The following PCED1B variants were observed in gnomAD, a reference collection of about 807,000 sequenced individuals.
The protein encoded by PCED1B is PC-esterase domain-containing protein 1B.
For synonymous variants in PCED1B, 251 were observed against 246.1 expected, an observed-to-expected ratio of 1.02 and a Z score of -0.19; for missense variants, 573 against 573.9, an observed-to-expected ratio of 1.00 and a Z score of 0.02.
At chr12:47,139,221 C>G (rs55825478) in intron 2 of PCED1B, among the ~76,000 whole-genome samples, 3,736 of 152,170 alleles carry the variant, frequency 0.025, 146 homozygotes, top group African/African-American at 0.083. Context: ...CTGTTGTGTG[C>G]AAAATGAGGA....
chr12:47,135,163 G>A lies in PCED1B; in HGVS notation c.-526+30968G>A, dbSNP rs117322919. 7.8e-3 allele frequency among the ~76,000 whole-genome samples: 1,181 copies of A among 152,296 alleles called. 13 individuals carry two copies. The highest frequency in any genetic ancestry group is 0.011 in the Non-Finnish European group (753 of 68,018). On this transcript the variant is annotated intron_variant, in intron 2 of 3. Transcript: ENST00000546455. ...AATGAGTTTGGTGTCCATGTCCATA[G>A]ATCTAGGTGAACTTCCATCACTATA...
At chr12:47,101,867 A>G (rs1938721895) in intron 1 of PCED1B, among the ~76,000 whole-genome samples, 1 of 151,892 alleles carries the variant, frequency 6.6e-6, no homozygotes, top group East Asian at 1.9e-4. Flanking sequence ...TGTCATTTGA[A>G]CCCAGGAGGC....
intron 1 of PCED1B, among the ~76,000 whole-genome samples, chr12:47,099,665 CTG>C (rs1479794915): frequency 6.6e-6 from 1 of 152,184 alleles, no homozygotes; most frequent in African/African-American, 2.4e-5. Flanking sequence ...CCTTGTACTT[CTG>C]TGAGATCTCC....
chr12:47,202,610 A>AG (rs1942798186), intron 2 of PCED1B, among the ~76,000 whole-genome samples: 2 of 151,132 alleles, frequency 1.3e-5, no homozygotes, highest in East Asian at 3.9e-4. Flanking sequence ...AAAAAAAAAA[A>AG]AAAAAAAAAG....
chr12:47,147,816 G>T (rs900920538), intron 2 of PCED1B, among the ~76,000 whole-genome samples: 12 of 152,102 alleles, frequency 7.9e-5, no homozygotes, highest in African/African-American at 2.9e-4. Flanking sequence ...CTTTATTCAT[G>T]CCAAACTAGG....
intron 2 of PCED1B, among the ~76,000 whole-genome samples, chr12:47,149,444 G>T (rs1306479043): frequency 1.3e-5 from 2 of 151,780 alleles, no homozygotes; most frequent in African/African-American, 4.9e-5. Flanking sequence ...GCCTCTCCCT[G>T]TTAAGTGATT....
intron 2 of PCED1B, among the ~76,000 whole-genome samples, chr12:47,108,060 C>A (rs1475022148): frequency 6.6e-6 from 1 of 152,098 alleles, no homozygotes; most frequent in Non-Finnish European, 1.5e-5. Context: ...CCAGTGAGAG[C>A]CCTCAGTAAA....
Position 47,217,498 on chromosome 12 carries a change from A to G in PCED1B, c.-58+809A>G, listed in dbSNP as rs1219652497. Among the ~76,000 whole-genome samples, 24 of 131,136 alleles carry G rather than the reference A, an allele frequency of 1.8e-4. 1 individual carries two copies. The highest frequency in any genetic ancestry group is 8.3e-4 in the African/African-American group (23 of 27,814). 86.0% of individuals were successfully genotyped at this position (131,136 alleles called of 152,430 possible). Reference sequence around the variant, plus strand: ...AAAGAAAGAAAGAAAGAAAGAAAGAAAGAAAGAAAGAAAGAAAGAAGAAAG... The same window carrying G: ...AAAGAAAGAAAGAAAGAAAGAAAGAGAGAAAGAAAGAAAGAAAGAAGAAAG... On this transcript the variant is annotated intron_variant, in intron 3 of 3. Transcript: ENST00000546455.
chr12:47,184,665 T>TAAAA (rs1191011925), intron 2 of PCED1B, among the ~76,000 whole-genome samples: 1 of 131,644 alleles, frequency 7.6e-6, no homozygotes. Flanking sequence ...CCAAAGACAC[T>TAAAA]AAAAAAAAAA....
At chr12:47,221,486 A>G (rs1165777023) in intron 3 of PCED1B, among the ~76,000 whole-genome samples, 1 of 152,096 alleles carries the variant, frequency 6.6e-6, no homozygotes, top group Admixed American at 6.6e-5. Context: ...GCCAACATGA[A>G]AATTTTTAAA....
chr12:47,234,284 C>T (rs935377470), intron 3 of PCED1B, among the ~76,000 whole-genome samples: 6 of 152,128 alleles, frequency 3.9e-5, no homozygotes, highest in African/African-American at 1.4e-4. Flanking sequence ...CCACCGCACC[C>T]GGCCTGTTTT....
At chr12:47,080,439 C>G (rs1294229994) in intron 1 of PCED1B, among the ~76,000 whole-genome samples, 1 of 152,160 alleles carries the variant, frequency 6.6e-6, no homozygotes, top group African/African-American at 2.4e-5. Context: ...AGTTGACTGT[C>G]TGGGTTTACA....
At chr12:47,128,546 G>A (rs1477085559) in intron 2 of PCED1B, among the ~76,000 whole-genome samples, 2 of 152,168 alleles carry the variant, frequency 1.3e-5, no homozygotes, top group African/African-American at 4.8e-5. Context: ...ATTTACTGAA[G>A]TAAAATGGTA....
At chr12:47,083,945 A>C (rs1465948140) in intron 1 of PCED1B, among the ~76,000 whole-genome samples, 1 of 152,196 alleles carries the variant, frequency 6.6e-6, no homozygotes, top group Non-Finnish European at 1.5e-5. Context: ...GATAAAATCC[A>C]CATGACATAA....
chr12:47,236,081 G>T lies in PCED1B; in HGVS notation c.1018G>T (p.Ala340Ser). The change falls in exon 4 of 4, where the codon GCC becomes TCC. Residue 340 changes from alanine (A) to serine (S), a missense_variant. Transcript: ENST00000546455. ...MPRFPQGPPD[A>S]CFSSDHTFQS... ...CCGGTTCCCACAGGGTCCCCCAGAT[G>T]CCTGTTTTTCCTCAGACCATACTTT... 6.2e-7 allele frequency: 1 copy of T among 1,614,056 alleles called. No individual in the cohort carries two copies. The highest frequency in any genetic ancestry group is 8.5e-7 in the Non-Finnish European group (1 of 1,180,018).
chr12:47,111,035 A>G (rs1939172598), intron 2 of PCED1B, among the ~76,000 whole-genome samples: 1 of 152,188 alleles, frequency 6.6e-6, no homozygotes, highest in African/African-American at 2.4e-5. Context: ...ACTGAATTCA[A>G]TTGCTTTGTA....
rs560262657 is a variant in PCED1B, at chr12:47,226,618, G to T, written c.-57-8389G>T. On this transcript the variant is annotated intron_variant, in intron 3 of 3. Coordinates refer to ENST00000546455, the MANE Select transcript of PCED1B (RefSeq NM_138371.3). ...TTGAACTCCTGATCTCAAGTTATCC[G>T]CCCGCCTTGGCCTCCTAAGGTGCTG... 1.6e-4 allele frequency among the ~76,000 whole-genome samples: 25 copies of T among 152,168 alleles called. No individual in the cohort carries two copies. In the East Asian group the frequency reaches 4.6e-3, roughly 28 times the overall value.
intron 2 of PCED1B, among the ~76,000 whole-genome samples, chr12:47,130,711 T>C (rs1240867344): frequency 2.0e-5 from 3 of 152,008 alleles, no homozygotes; most frequent in Non-Finnish European, 4.4e-5. Context: ...CAGAAAAATT[T>C]CATGTCTTTA....
At chr12:47,233,812 G>A (rs1171543253) in intron 3 of PCED1B, among the ~76,000 whole-genome samples, 1 of 152,110 alleles carries the variant, frequency 6.6e-6, no homozygotes, top group East Asian at 1.9e-4. Flanking sequence ...ATGTTAAAGT[G>A]CACATTTTGG....
Sources: gnomAD v4.1 joint callset for allele counts (sites outside exome capture counted in the v4.1 genomes callset) on GRCh38, gnomAD v4.1.1 for gene constraint, MANE v1.5 for transcripts, NCBI Gene and HGNC (gene_info 2026-07-23, HGNC 2026-07-21) for gene names.